WDR93: variants seen among roughly 807,000 people sequenced by gnomAD.
The protein encoded by WDR93 is WD repeat domain 93, also known as WD repeat-containing protein 93.
WDR93 carries 73 observed loss-of-function variants against 82.9 expected under a neutral mutation model. The observed-to-expected ratio is 0.88, with a 90% CI of 0.73 to 1.07. WDR93 has a LOEUF of 1.07. Among genes scored for constraint, WDR93 ranks in the 50% least tolerant of loss-of-function variants. The pLI, the probability that WDR93 is intolerant of heterozygous loss-of-function variation, is 0.00. For missense variants in WDR93, 738 were observed against 826.0 expected, an observed-to-expected ratio of 0.89 and a Z score of 1.31; for synonymous variants, 283 against 300.1, an observed-to-expected ratio of 0.94 and a Z score of 0.59.
upstream of WDR93, chr15:89,690,591 C>T (rs1450932630): frequency 5.2e-6 from 8 of 1,551,266 alleles, no homozygotes; most frequent in East Asian, 1.2e-4. Flanking sequence ...AGAGTCGGTC[C>T]CGGCCCTGGG....
Position 89,706,143 on chromosome 15 carries a change from C to T in WDR93, c.561+525C>T, listed in dbSNP as rs145595849. 5.3e-5 allele frequency among the ~76,000 whole-genome samples: 8 copies of T among 152,242 alleles called. No individual in the cohort carries two copies. The East Asian group carries it at 9.6e-4, about 18-fold the overall frequency. ...ACACAGTTTCTACCACAGTGTTTCC[C>T]GCACCCTCTACCCTAGTTTGTTCAT... On this transcript the variant is annotated intron_variant, in intron 4 of 16. Coordinates refer to ENST00000268130, the MANE Select transcript of WDR93 (RefSeq NM_020212.2).
chr15:89,703,029 A>G lies in WDR93; in HGVS notation c.383A>G (p.Asn128Ser), dbSNP rs1368827965. 8 of 1,614,086 alleles carry G rather than the reference A, an allele frequency of 5.0e-6. No homozygotes were observed. Among genetic ancestry groups the G allele is most frequent in the Non-Finnish European group, 6.8e-6 (8 of 1,180,040 alleles). The change falls in exon 3 of 17, where the codon AAT becomes AGT. Residue 128 changes from asparagine (N) to serine (S), a missense_variant. Physicochemically the swap from Asn to Ser is conservative, Grantham distance 46 (BLOSUM62 1). Transcript: ENST00000268130. The stretch of plus-strand genomic sequence containing the variant: ...GGAGCCAAAGGATTCTCAATTTATA[A>G]TCTGTACAGTGCTAAACAAATATAT... ...IGGAKGFSIY[N>S]LYSAKQIYAW...
chr15:89,740,691 G>A (rs1967598790), intron 16 of WDR93, among the ~76,000 whole-genome samples: 1 of 151,896 alleles, frequency 6.6e-6, no homozygotes, highest in Non-Finnish European at 1.5e-5. Flanking sequence ...TAGTAGAGAT[G>A]GGGTTTCTCC....
At chr15:89,734,734 A>G (rs1271520349) in intron 13 of WDR93, among the ~76,000 whole-genome samples, 2 of 152,076 alleles carry the variant, frequency 1.3e-5, no homozygotes, top group African/African-American at 4.8e-5. Context: ...CCTGTAATCC[A>G]AGCACTTTGG....
At chr15:89,741,227 ATTTTAT>A (rs949105937) in intron 16 of WDR93, among the ~76,000 whole-genome samples, 6 of 152,070 alleles carry the variant, frequency 3.9e-5, no homozygotes, top group Non-Finnish European at 1.5e-5. Flanking sequence ...AGTAAAAGGG[ATTTTAT>A]TTTATTTTTA....
intron 4 of WDR93, among the ~76,000 whole-genome samples, chr15:89,708,016 T>TA (rs2141615317): frequency 6.6e-6 from 1 of 152,350 alleles, no homozygotes; most frequent in South Asian, 2.1e-4. Flanking sequence ...ATAATTATGT[T>TA]AAGTGAAAGA....
chr15:89,706,786 A>T (rs1965746324), intron 4 of WDR93, among the ~76,000 whole-genome samples: 1 of 152,196 alleles, frequency 6.6e-6, no homozygotes, highest in Non-Finnish European at 1.5e-5. Context: ...TCCTCACACC[A>T]TATACAAAAA....
chr15:89,717,473 T>C (rs1040463827), intron 7 of WDR93, among the ~76,000 whole-genome samples: 2 of 152,206 alleles, frequency 1.3e-5, no homozygotes, highest in African/African-American at 4.8e-5. Flanking sequence ...CTCATATCCA[T>C]TGAAGATGAC....
chr15:89,703,185 C>G, intron 3 of WDR93, 43 bp downstream of exon 3: 1 of 1,605,664 alleles, frequency 6.2e-7, no homozygotes, highest in African/African-American at 1.3e-5. Context: ...TTACAGGTAC[C>G]TGTAGACTGT....
intron 14 of WDR93, among the ~76,000 whole-genome samples, chr15:89,735,903 C>T (rs1418384276): frequency 1.3e-5 from 2 of 152,100 alleles, no homozygotes. Context: ...TGAGCTGAGC[C>T]AGAGGAGTTG....
intron 8 of WDR93, among the ~76,000 whole-genome samples, chr15:89,724,247 C>A (rs148395738): frequency 4.0e-5 from 6 of 151,892 alleles, no homozygotes; most frequent in African/African-American, 1.5e-4. Context: ...GAGGTTAAAG[C>A]GGGAGAATTG....
chr15:89,740,909 G>T (rs1380991111), intron 16 of WDR93, among the ~76,000 whole-genome samples: 2 of 152,132 alleles, frequency 1.3e-5, no homozygotes, highest in African/African-American at 4.8e-5. Context: ...GGAGGCCAAG[G>T]CGGGTGGATC....
Position 89,712,034 on chromosome 15 carries a change from C to T in WDR93, c.570C>T (p.Thr190=). The change falls in exon 5 of 17, where the codon ACC becomes ACT. Residue 190 remains threonine (T), a synonymous_variant. Coordinates refer to ENST00000268130, the MANE Select transcript of WDR93 (RefSeq NM_020212.2). Reference sequence around the variant, plus strand: ...ATCTCTTTTGTTTTCAGGATGATACCAGCAAGCAAACTACCTGTATAAAGA... The same window carrying T: ...ATCTCTTTTGTTTTCAGGATGATACTAGCAAGCAAACTACCTGTATAAAGA... ...LVKAINEVDD[T]SKQTTCIKME... is the part of the protein sequence containing the mutation. The T allele has an allele frequency of 6.2e-7, 1 of 1,612,794 alleles. No homozygotes were observed. Among genetic ancestry groups the T allele is most frequent in the Non-Finnish European group, 8.5e-7 (1 of 1,179,306 alleles).
At chr15:89,704,519 CA>C (rs1219118879) in intron 3 of WDR93, 2 of 152,116 alleles carry the variant, frequency 1.3e-5, no homozygotes, top group Non-Finnish European at 2.9e-5. Flanking sequence ...ATGGAATATG[CA>C]TATGGGTCAA....
At chr15:89,712,225 C>A in intron 5 of WDR93, 121 bp downstream of exon 5, 1 of 796,588 alleles carries the variant, frequency 1.3e-6, no homozygotes, top group Non-Finnish European at 1.9e-6. Context: ...AGAAGAGTTG[C>A]AAAGAAATTA....
chr15:89,743,259 A>G, intron 16 of WDR93, 33 bp from the exon 17 acceptor site: 1 of 1,610,806 alleles, frequency 6.2e-7, no homozygotes, highest in Non-Finnish European at 8.5e-7. Flanking sequence ...AAGTGAGAGG[A>G]GATTCCTCTC....
chr15:89,719,509 A>G (rs1966422956), intron 7 of WDR93: 1 of 152,240 alleles, frequency 6.6e-6, no homozygotes, highest in African/African-American at 2.4e-5. Context: ...AAAGTGGTTC[A>G]TAACATTCCA....
intron 13 of WDR93, among the ~76,000 whole-genome samples, chr15:89,734,497 T>C (rs924379471): frequency 5.9e-5 from 9 of 152,178 alleles, no homozygotes; most frequent in Non-Finnish European, 1.0e-4. Flanking sequence ...ACAAATGCTT[T>C]TCAAGCTTCT....
At chr15:89,699,004 C>T (rs1965322500) in intron 1 of WDR93, among the ~76,000 whole-genome samples, 1 of 152,134 alleles carries the variant, frequency 6.6e-6, no homozygotes, top group Middle Eastern at 3.4e-3. Flanking sequence ...CCTCCAAGCA[C>T]ATGCCACCAC....
Sources: allele counts gnomAD v4.1 joint callset (sites outside exome capture counted in the v4.1 genomes callset), GRCh38; gene constraint gnomAD v4.1.1; transcripts MANE v1.5; gene names NCBI Gene and HGNC (gene_info 2026-07-23, HGNC 2026-07-21).